The following IGF1 variants were observed in gnomAD, a reference collection of about 807,000 sequenced individuals.
IGF1 encodes insulin-like growth factor 1.
IGF1 carries 4 observed loss-of-function variants against 13.8 expected under a neutral mutation model. That is an observed-to-expected ratio of 0.29 (90% CI 0.14 to 0.66). IGF1 has a LOEUF of 0.66. Among genes scored for constraint, IGF1 ranks in the 30% least tolerant of loss-of-function variants. IGF1 has a pLI of 0.78. For missense variants in IGF1, 124 were observed against 188.5 expected (o/e 0.66, Z 2.00); for synonymous variants, 76 against 72.6 (o/e 1.05, Z -0.23).
chr12:102,398,672 G>A lies in IGF1; in HGVS notation c.*3835C>T, dbSNP rs1018291249. On this transcript the variant is annotated 3_prime_UTR_variant, in exon 4 of 4. Coordinates refer to ENST00000337514, the MANE Select transcript of IGF1 (RefSeq NM_000618.5). Reference sequence around the variant, plus strand: ...GGTGAACAGTACACTACTTGTGAGTGATAAAAAGTTGAAAGGTGGTGGTGG... The same window carrying A: ...GGTGAACAGTACACTACTTGTGAGTAATAAAAAGTTGAAAGGTGGTGGTGG... 6.6e-6 allele frequency: 1 copy of A among 152,136 alleles called. No homozygotes were observed. Among genetic ancestry groups the A allele is most frequent in the Non-Finnish European group, 1.5e-5 (1 of 68,022 alleles). The allele number at this position is 152,136 out of a possible 1,614,324, so 9.4% of individuals were successfully genotyped here. A position where few individuals can be genotyped will look rare whatever the true frequency, so the allele number is the denominator to read the frequency against.
chr12:102,473,292 C>T (rs1880801147), intron 2 of IGF1, among the ~76,000 whole-genome samples: 2 of 152,212 alleles, frequency 1.3e-5, no homozygotes, highest in African/African-American at 4.8e-5. Context: ...TCTTTTACCA[C>T]TCAACTGTAA....
At chr12:102,440,794 C>T (rs1483912468) in intron 2 of IGF1, among the ~76,000 whole-genome samples, 1 of 151,952 alleles carries the variant, frequency 6.6e-6, no homozygotes, top group African/African-American at 2.4e-5. Flanking sequence ...GGCATTTGGG[C>T]CAGGAACATT....
intron 2 of IGF1, among the ~76,000 whole-genome samples, chr12:102,453,350 C>A (rs949729695): frequency 2.0e-5 from 3 of 152,104 alleles, no homozygotes; most frequent in Admixed American, 6.5e-5. Context: ...GAAAGATGAT[C>A]TTAAAGAGGT....
intron 3 of IGF1, among the ~76,000 whole-genome samples, chr12:102,412,758 A>G (rs916302035): frequency 1.3e-5 from 2 of 152,170 alleles, no homozygotes; most frequent in Non-Finnish European, 1.5e-5. Context: ...TCAGACATGG[A>G]CTCATAAACC....
At position 102,398,440 on chromosome 12, in the gene IGF1, C is replaced by T. The variant is rs1010953487; in HGVS notation, c.*4067G>A. 4 of 152,298 alleles carry T rather than the reference C, an allele frequency of 2.6e-5. No individual in the cohort carries two copies. Among genetic ancestry groups the T allele is most frequent in the Admixed American group, 2.6e-4 (4 of 15,284 alleles). 9.4% of individuals were successfully genotyped at this position (152,298 alleles called of 1,614,324 possible). On this transcript the variant is annotated 3_prime_UTR_variant, in exon 4 of 4. Transcript: ENST00000337514. ...GTTTTAGAGCAGAGTGCACAAAAATCAATAAGGAACTTACTTATCTTTTAA... is the reference window on the plus strand; with the variant it reads ...GTTTTAGAGCAGAGTGCACAAAAATTAATAAGGAACTTACTTATCTTTTAA...
At chr12:102,403,842 G>A (rs1592731843) in intron 3 of IGF1, among the ~76,000 whole-genome samples, 1 of 152,070 alleles carries the variant, frequency 6.6e-6, no homozygotes, top group East Asian at 1.9e-4. Context: ...TACTGTTATA[G>A]TCCCAGTGTC....
At chr12:102,404,492 G>C (rs191520926) in intron 3 of IGF1, among the ~76,000 whole-genome samples, 1 of 152,142 alleles carries the variant, frequency 6.6e-6, no homozygotes, top group Non-Finnish European at 1.5e-5. Context: ...TTTATGAGTC[G>C]ATGGTCAACA....
chr12:102,474,137 T>A (rs958480875), intron 2 of IGF1, among the ~76,000 whole-genome samples: 1 of 152,190 alleles, frequency 6.6e-6, no homozygotes, highest in African/African-American at 2.4e-5. Context: ...AATTATAGAA[T>A]AATTATGACC....
chr12:102,399,943 C>G lies in IGF1; in HGVS notation c.*2564G>C, dbSNP rs2136933317. 1 of 152,258 alleles carries G rather than the reference C, an allele frequency of 6.6e-6. No homozygotes were observed. Among genetic ancestry groups the G allele is most frequent in the Admixed American group, 6.5e-5 (1 of 15,276 alleles). The allele number at this position is 152,258 out of a possible 1,614,324, so 9.4% of individuals were successfully genotyped here. ...AGAACCTGTATGTCTGGAAAACAGG[C>G]AGAGGGCAAAAATGATGTATAGTTT... On this transcript the variant is annotated 3_prime_UTR_variant, in exon 4 of 4. Transcript: ENST00000337514.
At chr12:102,459,624 G>C (rs958996552) in intron 2 of IGF1, among the ~76,000 whole-genome samples, 1 of 152,140 alleles carries the variant, frequency 6.6e-6, no homozygotes, top group Non-Finnish European at 1.5e-5. Flanking sequence ...CATTGGCTGG[G>C]AACCTGGCCT....
intron 2 of IGF1, among the ~76,000 whole-genome samples, chr12:102,430,738 G>A (rs1404099547): frequency 6.6e-6 from 1 of 152,082 alleles, no homozygotes; most frequent in Admixed American, 6.6e-5. Flanking sequence ...CCTTGCTCTG[G>A]GTCAGGAAGA....
rs778994665 is a variant in IGF1, at chr12:102,419,584, G to A, written c.327C>T (p.Cys109=). The change falls in exon 3 of 4, where the codon TGC becomes TGT. Residue 109 remains cysteine, a synonymous_variant. Transcript: ENST00000337514. ...SCDLRRLEMY[C]APLKPAKSAR... is the part of the protein sequence containing the mutation. ...CTGACTTGGCAGGCTTGAGGGGTGCGCAATACATCTCCAGCCTCCTTAGAT... is the reference window on the plus strand; with the variant it reads ...CTGACTTGGCAGGCTTGAGGGGTGCACAATACATCTCCAGCCTCCTTAGAT... 45 of 1,613,720 alleles carry A rather than the reference G, an allele frequency of 2.8e-5. 2 individuals carry two copies. Among genetic ancestry groups the A allele is most frequent in the Middle Eastern group, 1.6e-4 (1 of 6,066 alleles).
intron 2 of IGF1, among the ~76,000 whole-genome samples, chr12:102,445,284 G>T (rs897309573): frequency 6.6e-6 from 1 of 152,154 alleles, no homozygotes; most frequent in Non-Finnish European, 1.5e-5. Context: ...AAAGTCAATG[G>T]TACCTTGATG....
intron 2 of IGF1, among the ~76,000 whole-genome samples, chr12:102,435,377 G>A (rs1169901300): frequency 6.6e-6 from 1 of 152,178 alleles, no homozygotes; most frequent in African/African-American, 2.4e-5. Context: ...TTGGTGCTCA[G>A]AATATAGAAG....
At chr12:102,421,649 T>C (rs1407081066) in intron 2 of IGF1, among the ~76,000 whole-genome samples, 1 of 152,224 alleles carries the variant, frequency 6.6e-6, no homozygotes, top group Non-Finnish European at 1.5e-5. Flanking sequence ...CATTTGTTGA[T>C]TATGAAATGG....
In IGF1 at chr12:102,399,509, G is replaced by A. The variant is rs1433409971; in HGVS notation, c.*2998C>T. 1 of 152,262 alleles carries A rather than the reference G, an allele frequency of 6.6e-6. No individual in the cohort carries two copies. The highest frequency in any genetic ancestry group is 1.9e-4 in the East Asian group (1 of 5,188). The allele number at this position is 152,262 out of a possible 1,614,324, so 9.4% of individuals were successfully genotyped here. On this transcript the variant is annotated 3_prime_UTR_variant, in exon 4 of 4. Transcript: ENST00000337514. The stretch of plus-strand genomic sequence containing the variant: ...TCTATGAAATCTGAGTCATTCTGCT[G>A]TAGTATATAGTAATCAACTGACTTC...
intron 2 of IGF1, among the ~76,000 whole-genome samples, chr12:102,448,699 A>C (rs1374501614): frequency 6.6e-6 from 1 of 150,838 alleles, no homozygotes; most frequent in African/African-American, 2.4e-5. Flanking sequence ...TAAAAAAAAA[A>C]AAAAAAAAAA....
intron 2 of IGF1, among the ~76,000 whole-genome samples, chr12:102,434,760 C>A (rs1250920966): frequency 6.6e-6 from 1 of 151,568 alleles, no homozygotes; most frequent in Non-Finnish European, 1.5e-5. Context: ...TACAGTCCCA[C>A]CAACAGTGTA....
intron 3 of IGF1, among the ~76,000 whole-genome samples, chr12:102,406,088 T>C (rs1310790622): frequency 6.6e-6 from 1 of 152,248 alleles, no homozygotes; most frequent in Non-Finnish European, 1.5e-5. Flanking sequence ...ATGATTCCCA[T>C]GCACACACGT....
Sources: allele counts gnomAD v4.1 joint callset (sites outside exome capture counted in the v4.1 genomes callset), GRCh38; gene constraint gnomAD v4.1.1; transcripts MANE v1.5; gene names NCBI Gene and HGNC (gene_info 2026-07-23, HGNC 2026-07-21).